The following WDR27 variants were observed in gnomAD, a reference collection of about 807,000 sequenced individuals.
WDR27 encodes the protein WD repeat domain 27, also known as WD repeat-containing protein 27.
A neutral mutation model predicts 114.4 loss-of-function variants in WDR27; 100 were observed. That is an observed-to-expected ratio of 0.87 (90% confidence interval 0.74 to 1.03). The LOEUF (loss-of-function observed/expected upper bound fraction) is 1.03. WDR27 is among the 50% of genes least tolerant of loss of function. The pLI, the probability that WDR27 is intolerant of heterozygous loss-of-function variation, is 0.00. For missense variants in WDR27, 1,129 were observed against 1,092.9 expected, an observed-to-expected ratio of 1.03 and a Z score of -0.47; for synonymous variants, 449 against 423.1, an observed-to-expected ratio of 1.06 and a Z score of -0.75.
At chr6:169,657,235 C>T (rs895822672) in intron 13 of WDR27, among the ~76,000 whole-genome samples, 15 of 152,248 alleles carry the variant, frequency 9.9e-5, no homozygotes, top group African/African-American at 3.4e-4. Context: ...GTCAGAACCA[C>T]ACAGTCAGTG....
intron 25 of WDR27, among the ~76,000 whole-genome samples, chr6:169,560,769 C>T (rs1399011845): frequency 6.6e-6 from 1 of 152,166 alleles, no homozygotes; most frequent in Non-Finnish European, 1.5e-5. Context: ...GTAAACTACA[C>T]ATTTTATACT....
intron 25 of WDR27, among the ~76,000 whole-genome samples, chr6:169,493,265 G>T (rs1789994244): frequency 6.6e-6 from 1 of 151,978 alleles, no homozygotes; most frequent in Non-Finnish European, 1.5e-5. Context: ...AAAAACATAA[G>T]TAGGGAAGAA....
At chr6:169,591,581 C>T (rs991814241) in intron 23 of WDR27, among the ~76,000 whole-genome samples, 3 of 152,142 alleles carry the variant, frequency 2.0e-5, no homozygotes, top group Non-Finnish European at 2.9e-5. Flanking sequence ...GGACCAATGA[C>T]ATTTTATGTT....
At position 169,651,916 on chromosome 6, in the gene WDR27, A is replaced by T. The variant is rs767438379; in HGVS notation, c.1481+14T>A. 6.2e-7 allele frequency: 1 copy of T among 1,610,502 alleles called. No homozygotes were observed. Among genetic ancestry groups the T allele is most frequent in the Non-Finnish European group, 8.5e-7 (1 of 1,178,446 alleles). On this transcript the variant is annotated intron_variant, in intron 14 of 25. Transcript: ENST00000448612. ...AGGTGCATTTCTGTCTCTCATTGACATGAGTTCACTCACTGTGGTGCTGAC... is the reference window on the plus strand; with the variant it reads ...AGGTGCATTTCTGTCTCTCATTGACTTGAGTTCACTCACTGTGGTGCTGAC...
intron 24 of WDR27, among the ~76,000 whole-genome samples, chr6:169,581,444 A>G (rs569284573): frequency 1.3e-5 from 2 of 152,332 alleles, no homozygotes; most frequent in South Asian, 4.1e-4. Context: ...AACTCAAAAC[A>G]ATACGTTTTA....
the WDR27 span, among the ~76,000 whole-genome samples, chr6:169,430,764 C>T: frequency 1.2e-4 from 18 of 152,110 alleles, no homozygotes; most frequent in Admixed American, 7.2e-4. Flanking sequence ...TTCAAAGAAA[C>T]GTAAATGAAT....
intron 25 of WDR27, among the ~76,000 whole-genome samples, chr6:169,488,332 G>A (rs1189506305): frequency 6.6e-6 from 1 of 152,190 alleles, no homozygotes; most frequent in Non-Finnish European, 1.5e-5. Flanking sequence ...AGAGGCAAAA[G>A]GTCTGAAATC....
At chr6:169,439,935 A>G in the WDR27 span, among the ~76,000 whole-genome samples, 1 of 151,088 alleles carries the variant, frequency 6.6e-6, no homozygotes, top group Non-Finnish European at 1.5e-5. Flanking sequence ...TTATATTGGT[A>G]ATATAATTAT....
chr6:169,461,715 GAAC>G (rs1339782804), intron 25 of WDR27, among the ~76,000 whole-genome samples: 2 of 144,962 alleles, frequency 1.4e-5, no homozygotes, highest in South Asian at 2.2e-4. Context: ...AGTAGAGAAA[GAAC>G]AACAAGTGTT....
At chr6:169,453,042 G>A (rs1332483782), downstream of WDR27, among the ~76,000 whole-genome samples, 1 of 152,222 alleles carries the variant, frequency 6.6e-6, no homozygotes, top group African/African-American at 2.4e-5. Flanking sequence ...TGGCTGCAAG[G>A]GCACGGCCCC....
chr6:169,653,843 T>G (rs1264973709), intron 13 of WDR27, among the ~76,000 whole-genome samples: 1 of 152,206 alleles, frequency 6.6e-6, no homozygotes. Context: ...AAAGGCCAAG[T>G]CCCTGGCCAC....
intron 14 of WDR27, among the ~76,000 whole-genome samples, chr6:169,650,620 C>A: frequency 6.7e-6 from 1 of 149,608 alleles, no homozygotes. Context: ...CATCCATGCT[C>A]CCACTCATCC....
intron 21 of WDR27, among the ~76,000 whole-genome samples, chr6:169,622,735 C>T (rs997884275): frequency 2.6e-5 from 4 of 152,190 alleles, no homozygotes; most frequent in Non-Finnish European, 4.4e-5. Context: ...TGCAGTGTTT[C>T]GACACGGGAG....
At position 169,602,221 on chromosome 6, in the gene WDR27, G is replaced by A. The variant is rs1168954135; in HGVS notation, c.2422C>T (p.His808Tyr). 3.9e-6 allele frequency: 6 copies of A among 1,551,282 alleles called. No homozygotes were observed. Among genetic ancestry groups the A allele is most frequent in the Non-Finnish European group, 5.2e-6 (6 of 1,145,144 alleles). The change falls in exon 23 of 26, where the codon CAC (histidine) becomes TAC (tyrosine). Residue 808 changes from histidine to tyrosine, a missense_variant and splice_region_variant. Transcript: ENST00000448612. ...RFAACGAEDR[H>Y]AYVYEMGSST... Reference sequence around the variant, plus strand: ...ATAGACAGTCAAACAGTACATACGTGTCTGTCCTCGGCCCCACAAGCCGCG... The same window carrying A: ...ATAGACAGTCAAACAGTACATACGTATCTGTCCTCGGCCCCACAAGCCGCG...
At chr6:169,448,392 ATGTGTGTGTGTGTGTG>A in the WDR27 span, among the ~76,000 whole-genome samples, 1 of 131,968 alleles carries the variant, frequency 7.6e-6, no homozygotes. Flanking sequence ...CTCTGTCTCT[ATGTGTGTGTGTGTGTG>A]TGTGTGTGTG....
At chr6:169,562,178 A>T (rs1799766734) in intron 25 of WDR27, among the ~76,000 whole-genome samples, 1 of 152,222 alleles carries the variant, frequency 6.6e-6, no homozygotes, top group African/African-American at 2.4e-5. Flanking sequence ...AGACTTGAGG[A>T]ACACACCTAA....
chr6:169,558,921 A>G (rs1412477140), intron 25 of WDR27: 1 of 152,224 alleles, frequency 6.6e-6, no homozygotes, highest in Non-Finnish European at 1.5e-5. Context: ...CCTGGAATAA[A>G]CCAGCTATTA....
At chr6:169,694,094 G>A (rs1028267185) in intron 1 of WDR27, among the ~76,000 whole-genome samples, 5 of 152,126 alleles carry the variant, frequency 3.3e-5, no homozygotes, top group African/African-American at 1.2e-4. Flanking sequence ...CAGATCACAA[G>A]GTCAGGAGTT....
At chr6:169,667,697 GAGA>G (rs1230755410) in intron 5 of WDR27, among the ~76,000 whole-genome samples, 8 of 152,358 alleles carry the variant, frequency 5.3e-5, no homozygotes, top group African/African-American at 1.7e-4. Context: ...GAATGCCGTG[GAGA>G]AGAATTCGTG....
Sources: gnomAD v4.1 joint callset for allele counts (sites outside exome capture counted in the v4.1 genomes callset) on GRCh38, gnomAD v4.1.1 for gene constraint, MANE v1.5 for transcripts, NCBI Gene and HGNC (gene_info 2026-07-23, HGNC 2026-07-21) for gene names.